RAB2A: variants seen among roughly 807,000 people sequenced by gnomAD.
The protein encoded by RAB2A is ras-related protein Rab-2A.
RAB2A carries 7 observed loss-of-function variants against 32.5 expected under a neutral mutation model. The observed-to-expected ratio is 0.22, with a 90% CI of 0.12 to 0.40. The LOEUF (loss-of-function observed/expected upper bound fraction) is 0.40, where lower values mean the gene tolerates loss of function less well. Among genes scored for constraint, RAB2A ranks in the 10% least tolerant of loss-of-function variants. The pLI is 1.00. For synonymous variants in RAB2A, 79 were observed against 85.2 expected (o/e 0.93, Z 0.40); for missense variants, 108 against 260.7 (o/e 0.41, Z 4.03).
chr8:60,622,239 G>T lies in RAB2A; in HGVS notation c.*1470G>T, dbSNP rs1348468576. 6.6e-6 allele frequency: 1 copy of T among 152,210 alleles called. No homozygotes were observed. The highest frequency in any genetic ancestry group is 1.5e-5 in the Non-Finnish European group (1 of 68,038). The allele number at this position is 152,210 out of a possible 1,614,324, so 9.4% of individuals were successfully genotyped here. On this transcript the variant is annotated 3_prime_UTR_variant, in exon 8 of 8. Transcript: ENST00000262646. ...AGCACAAAAGCACTTATGCCTGAAA[G>T]AAAGCATAAAGAAGTTCTAACTCTG...
intron 3 of RAB2A, among the ~76,000 whole-genome samples, chr8:60,573,625 G>A (rs1808227692): frequency 6.6e-6 from 1 of 152,094 alleles, no homozygotes; most frequent in Non-Finnish European, 1.5e-5. Flanking sequence ...TGAGCCTAAA[G>A]CATCTCAAAA....
At chr8:60,567,999 T>G (rs1316765016) in intron 2 of RAB2A, among the ~76,000 whole-genome samples, 1 of 152,232 alleles carries the variant, frequency 6.6e-6, no homozygotes, top group African/African-American at 2.4e-5. Flanking sequence ...TTGTTTTACA[T>G]AGAAAATTGA....
At chr8:60,530,553 G>A (rs2130810091) in intron 1 of RAB2A, among the ~76,000 whole-genome samples, 1 of 152,154 alleles carries the variant, frequency 6.6e-6, no homozygotes, top group East Asian at 1.9e-4. Context: ...GCCTTCCAAA[G>A]TGTTGGATTA....
intron 5 of RAB2A, among the ~76,000 whole-genome samples, chr8:60,590,582 T>C (rs1803925184): frequency 7.3e-6 from 1 of 137,282 alleles, no homozygotes; most frequent in South Asian, 2.3e-4. Context: ...TTAATATATG[T>C]ATTTTATATA....
intron 1 of RAB2A, among the ~76,000 whole-genome samples, chr8:60,519,566 G>A (rs1251298365): frequency 6.6e-6 from 1 of 152,066 alleles, no homozygotes. Flanking sequence ...TGACTACTCC[G>A]TTTCTGAATT....
intron 3 of RAB2A, among the ~76,000 whole-genome samples, chr8:60,582,621 G>C (rs1319825273): frequency 6.6e-6 from 1 of 152,022 alleles, no homozygotes; most frequent in Admixed American, 6.6e-5. Flanking sequence ...CCTGGGCTCA[G>C]ATGATCCTCC....
At chr8:60,612,146 A>G (rs908093862) in intron 6 of RAB2A, among the ~76,000 whole-genome samples, 4 of 152,036 alleles carry the variant, frequency 2.6e-5, no homozygotes, top group Non-Finnish European at 4.4e-5. Context: ...ACCTCCCTAC[A>G]GGTCCCAGTG....
intron 1 of RAB2A, among the ~76,000 whole-genome samples, chr8:60,543,941 A>G (rs1051058776): frequency 6.6e-6 from 1 of 151,732 alleles, no homozygotes; most frequent in East Asian, 2.0e-4. Flanking sequence ...GGGTGCCTGT[A>G]ATCCCAGCTA....
intron 1 of RAB2A, among the ~76,000 whole-genome samples, chr8:60,521,777 C>T (rs925720435): frequency 6.6e-5 from 10 of 152,274 alleles, no homozygotes; most frequent in Middle Eastern, 3.4e-3. Flanking sequence ...TCTGCCCCCA[C>T]GCCCAGCTGA....
chr8:60,547,475 G>A (rs1263229265), intron 1 of RAB2A, among the ~76,000 whole-genome samples: 6 of 151,828 alleles, frequency 4.0e-5, no homozygotes, highest in Admixed American at 2.6e-4. Flanking sequence ...AGGCGCGGCC[G>A]GGCAGAGGCG....
At chr8:60,605,050 AGGTCAGGGCCAG>A (rs150662477) in intron 6 of RAB2A, among the ~76,000 whole-genome samples, 11,506 of 152,230 alleles carry the variant, frequency 0.076, 1,327 homozygotes, top group African/African-American at 0.25. Context: ...ATGGTTTTGT[AGGTCAGGGCCAG>A]GGTCAGGGCC....
At chr8:60,547,654 C>A (rs1807758949) in intron 1 of RAB2A, among the ~76,000 whole-genome samples, 1 of 118,660 alleles carries the variant, frequency 8.4e-6, no homozygotes. Context: ...AGGCGGGGGG[C>A]TGACCCCCCC....
At chr8:60,521,422 T>G (rs1807301396) in intron 1 of RAB2A, among the ~76,000 whole-genome samples, 1 of 152,182 alleles carries the variant, frequency 6.6e-6, no homozygotes, top group Admixed American at 6.5e-5. Context: ...TTTCTGAGCT[T>G]TTGAAATTAC....
chr8:60,528,066 A>G (rs1368917325), intron 1 of RAB2A, among the ~76,000 whole-genome samples: 2 of 152,172 alleles, frequency 1.3e-5, no homozygotes, highest in African/African-American at 4.8e-5. Context: ...ATTCCCATAA[A>G]TTTCACATCA....
At chr8:60,601,772 TA>T (rs1451434099) in intron 6 of RAB2A, among the ~76,000 whole-genome samples, 1 of 152,262 alleles carries the variant, frequency 6.6e-6, no homozygotes, top group Non-Finnish European at 1.5e-5. Context: ...GATTTTTAAG[TA>T]AAAGGCATTT....
intron 3 of RAB2A, among the ~76,000 whole-genome samples, chr8:60,579,862 C>T (rs913921932): frequency 6.6e-5 from 10 of 151,756 alleles, no homozygotes; most frequent in African/African-American, 2.2e-4. Flanking sequence ...CTCTTGACTT[C>T]GTAATATGCC....
chr8:60,613,854 T>C (rs1274939229), intron 6 of RAB2A, among the ~76,000 whole-genome samples: 1 of 152,204 alleles, frequency 6.6e-6, no homozygotes, highest in Non-Finnish European at 1.5e-5. Context: ...GTAATGTTCA[T>C]AGCATTGACT....
chr8:60,520,127 A>G (rs1233491732), intron 1 of RAB2A, among the ~76,000 whole-genome samples: 1 of 152,256 alleles, frequency 6.6e-6, no homozygotes, highest in Non-Finnish European at 1.5e-5. Flanking sequence ...TAAAATGAGG[A>G]TAAATGTGAA....
chr8:60,540,495 T>G (rs1005499873), intron 1 of RAB2A, among the ~76,000 whole-genome samples: 9 of 90,724 alleles, frequency 9.9e-5, no homozygotes, highest in African/African-American at 3.1e-4. Context: ...CCCTTTCTTC[T>G]TTTTGAGACA....
Sources: gnomAD v4.1 joint callset for allele counts (sites outside exome capture counted in the v4.1 genomes callset) on GRCh38, gnomAD v4.1.1 for gene constraint, MANE v1.5 for transcripts, NCBI Gene and HGNC (gene_info 2026-07-23, HGNC 2026-07-21) for gene names.